Variants in ASAP1 observed in about 807,000 individuals in gnomAD.
ASAP1 encodes ArfGAP with SH3 domain, ankyrin repeat and PH domain 1, also known as arf-GAP with SH3 domain, ANK repeat and PH domain-containing protein 1.
Under a neutral mutation model 145.2 loss-of-function variants are expected in ASAP1, and 43 were observed. The observed-to-expected ratio is 0.30, with a 90% CI of 0.23 to 0.38. ASAP1 has a LOEUF of 0.38. Ranked by LOEUF, ASAP1 falls within the 10% of genes least tolerant of loss-of-function variation. The pLI, the probability that ASAP1 is intolerant of heterozygous loss-of-function variation, is 1.00. For missense variants in ASAP1, 1,018 were observed against 1,355.3 expected, an observed-to-expected ratio of 0.75 and a Z score of 3.91; for synonymous variants, 546 against 515.5, an observed-to-expected ratio of 1.06 and a Z score of -0.80.
chr8:130,082,714 A>ATTTTTTTTTTT (rs10678353), intron 25 of ASAP1: 1 of 80,828 alleles, frequency 1.2e-5, no homozygotes, highest in Non-Finnish European at 2.3e-5. Flanking sequence ...CTCATTACTA[A>ATTTTTTTTTTT]TTTTTTTTTT....
intron 25 of ASAP1, among the ~76,000 whole-genome samples, chr8:130,090,395 T>A (rs1277060133): frequency 6.6e-6 from 1 of 152,204 alleles, no homozygotes; most frequent in Non-Finnish European, 1.5e-5. Flanking sequence ...GCCTTTTTGA[T>A]GAAATCTGGG....
intron 5 of ASAP1, among the ~76,000 whole-genome samples, chr8:130,211,931 C>G (rs186632297): frequency 6.6e-6 from 1 of 152,142 alleles, no homozygotes; most frequent in African/African-American, 2.4e-5. Flanking sequence ...TGGGTTCCCA[C>G]GGGGGTACTC....
At chr8:130,140,613 C>T (rs764828388) in intron 13 of ASAP1, among the ~76,000 whole-genome samples, 44 of 152,094 alleles carry the variant, frequency 2.9e-4, no homozygotes, top group Non-Finnish European at 1.2e-4. Context: ...ATGATTGACC[C>T]ACAACTTCAG....
chr8:130,369,341 G>C (rs1827107834), intron 2 of ASAP1, among the ~76,000 whole-genome samples: 1 of 152,104 alleles, frequency 6.6e-6, no homozygotes, highest in African/African-American at 2.4e-5. Flanking sequence ...TAATGATTTT[G>C]AGCAGGAAAC....
At chr8:130,130,050 C>T (rs1409620222) in intron 15 of ASAP1, among the ~76,000 whole-genome samples, 1 of 152,202 alleles carries the variant, frequency 6.6e-6, no homozygotes, top group Non-Finnish European at 1.5e-5. Flanking sequence ...GCCTCTATTT[C>T]GCTTTCCTCA....
intron 3 of ASAP1, among the ~76,000 whole-genome samples, chr8:130,315,354 TGA>T (rs1327195608): frequency 1.3e-5 from 2 of 152,062 alleles, no homozygotes; most frequent in Non-Finnish European, 2.9e-5. Context: ...CTGTCAGGGA[TGA>T]GAGTTGAGAT....
At chr8:130,089,635 G>A (rs542368727) in intron 25 of ASAP1, among the ~76,000 whole-genome samples, 5 of 152,264 alleles carry the variant, frequency 3.3e-5, no homozygotes, top group East Asian at 1.9e-4. Context: ...AGCAGGAGGC[G>A]GGGAAGGGAT....
intron 27 of ASAP1, among the ~76,000 whole-genome samples, chr8:130,064,515 T>C (rs2097426144): frequency 6.6e-6 from 1 of 152,102 alleles, no homozygotes; most frequent in African/African-American, 2.4e-5. Flanking sequence ...TGTCAGACAC[T>C]GTGTGGGGAA....
intron 15 of ASAP1, among the ~76,000 whole-genome samples, chr8:130,128,875 T>C (rs1317786653): frequency 6.6e-6 from 1 of 152,208 alleles, no homozygotes; most frequent in African/African-American, 2.4e-5. Context: ...CATAATATAG[T>C]GTTTTGTGAA....
At chr8:130,300,151 C>CAGAGAGAGAG (rs1234117059) in intron 3 of ASAP1, among the ~76,000 whole-genome samples, 137 of 84,776 alleles carry the variant, frequency 1.6e-3, no homozygotes, top group Admixed American at 2.0e-3. Flanking sequence ...CACACACACA[C>CAGAGAGAGAG]ACAGAGAGAG....
chr8:130,346,565 T>A (rs376159843), intron 3 of ASAP1, among the ~76,000 whole-genome samples: 7 of 152,294 alleles, frequency 4.6e-5, no homozygotes, highest in Admixed American at 2.0e-4. Context: ...ACAGGGCTGT[T>A]GGGAGGATTA....
At position 130,384,954 on chromosome 8, in the gene ASAP1, C is replaced by T. The variant is rs961688629; in HGVS notation, c.59+16931G>A. Among the ~76,000 whole-genome samples, 6 of 152,168 alleles carry T rather than the reference C, an allele frequency of 3.9e-5. No individual in the cohort carries two copies. In the East Asian group the frequency reaches 5.8e-4, roughly 15 times the overall value. On this transcript the variant is annotated intron_variant, in intron 2 of 29. Coordinates refer to ENST00000518721, the MANE Select transcript of ASAP1 (RefSeq NM_018482.4). Reference sequence around the variant, plus strand: ...GGCAGAGACTGAACATAAATAAAAGCGAGACAGTGTCCCACGTACATACAC... The same window carrying T: ...GGCAGAGACTGAACATAAATAAAAGTGAGACAGTGTCCCACGTACATACAC...
chr8:130,097,365 C>T (rs114598087), intron 24 of ASAP1, among the ~76,000 whole-genome samples: 3,013 of 152,138 alleles, frequency 0.02, 46 homozygotes, highest in East Asian at 0.064. Context: ...CTGTTCTTCA[C>T]CGTCCTCCCT....
chr8:130,403,554 CTTT>C (rs372481861), intron 1 of ASAP1, among the ~76,000 whole-genome samples: 5 of 125,372 alleles, frequency 4.0e-5, no homozygotes, highest in African/African-American at 6.2e-5. Context: ...TTTTCTTTTT[CTTT>C]TTTTTTTTTT....
intron 2 of ASAP1, among the ~76,000 whole-genome samples, chr8:130,390,945 C>G (rs1286167382): frequency 6.7e-6 from 1 of 149,820 alleles, no homozygotes; most frequent in Non-Finnish European, 1.5e-5. Flanking sequence ...CCCCGCCCCC[C>G]CAAAATTGAA....
At chr8:130,085,735 T>TAAAAA (rs376786284) in intron 25 of ASAP1, among the ~76,000 whole-genome samples, 31 of 125,288 alleles carry the variant, frequency 2.5e-4, no homozygotes, top group Non-Finnish European at 4.3e-4. Flanking sequence ...ACGTTGTCTT[T>TAAAAA]AAGAAAAAAA....
intron 3 of ASAP1, among the ~76,000 whole-genome samples, chr8:130,282,782 T>C (rs138558156): frequency 6.6e-6 from 1 of 152,270 alleles, no homozygotes; most frequent in African/African-American, 2.4e-5. Flanking sequence ...GGTAGACAAC[T>C]AAATGAACAA....
At chr8:130,309,596 G>A (rs1237686703) in intron 3 of ASAP1, among the ~76,000 whole-genome samples, 3 of 152,272 alleles carry the variant, frequency 2.0e-5, no homozygotes, top group Middle Eastern at 3.4e-3. Flanking sequence ...CACCACATGC[G>A]GCTCTCACCA....
chr8:130,395,823 C>T (rs1016699740), intron 2 of ASAP1, among the ~76,000 whole-genome samples: 6 of 152,218 alleles, frequency 3.9e-5, no homozygotes, highest in South Asian at 2.1e-4. Flanking sequence ...CCCGCCACTA[C>T]GCCCAGCTAA....
Sources: allele counts gnomAD v4.1 joint callset (sites outside exome capture counted in the v4.1 genomes callset), GRCh38; gene constraint gnomAD v4.1.1; transcripts MANE v1.5; gene names NCBI Gene and HGNC (gene_info 2026-07-23, HGNC 2026-07-21).